TMEM87B: variants seen among roughly 807,000 people sequenced by gnomAD.
TMEM87B encodes the protein transmembrane protein 87B.
In TMEM87B, 83 loss-of-function variants were observed where a neutral mutation model predicts 80.3. The ratio of observed to expected loss-of-function variants is 1.03; its 90% CI spans 0.87 to 1.24. The LOEUF is 1.24. Among genes scored for constraint, TMEM87B ranks in the 50% most tolerant of loss-of-function variants. The pLI is 0.00. For missense variants in TMEM87B, 625 were observed against 674.4 expected (o/e 0.93, Z 0.81); for synonymous variants, 219 against 230.5 (o/e 0.95, Z 0.45).
In TMEM87B at chr2:112,118,316, A is replaced by G. The variant is rs946246566; in HGVS notation, c.*2173A>G. ...GGAGAAGTTATACCTAGGGCTACTG[A>G]GCAGCTCATCATCCCTGTTTCTGCA... On this transcript the variant is annotated 3_prime_UTR_variant, in exon 19 of 19. Coordinates refer to ENST00000283206, the MANE Select transcript of TMEM87B (RefSeq NM_032824.3). 1.3e-5 allele frequency: 2 copies of G among 152,304 alleles called. No homozygotes were observed. Among genetic ancestry groups the G allele is most frequent in the African/African-American group, 4.8e-5 (2 of 41,548 alleles). The allele number at this position is 152,304 out of a possible 1,614,324, so 9.4% of individuals were successfully genotyped here.
intron 18 of TMEM87B, among the ~76,000 whole-genome samples, chr2:112,113,134 G>C (rs1008462689): frequency 8.1e-5 from 12 of 148,698 alleles, no homozygotes; most frequent in African/African-American, 2.7e-4. Flanking sequence ...AATACTTACT[G>C]GTATGAAGGA....
At chr2:112,081,673 G>T (rs895579332) in intron 8 of TMEM87B, among the ~76,000 whole-genome samples, 155 bp downstream of exon 8, 1 of 152,110 alleles carries the variant, frequency 6.6e-6, no homozygotes, top group Non-Finnish European at 1.5e-5. Flanking sequence ...GTCAGAGTAG[G>T]CCTCTGATCT....
rs567199412 is a variant in TMEM87B at position 112,093,035 on chromosome 2, A to T, written c.1104+1252A>T. Among the ~76,000 whole-genome samples, 67 of 152,116 alleles carry T rather than the reference A, an allele frequency of 4.4e-4. 1 individual carries two copies. The highest frequency in any genetic ancestry group is 2.1e-3 in the South Asian group (10 of 4,818). The stretch of plus-strand genomic sequence containing the variant: ...TTAGCTTTTTGACATTAATTTTTTT[A>T]AAAAATTGTTTTTCTTGTATCTTTT... On this transcript the variant is annotated intron_variant, in intron 11 of 18. Coordinates refer to ENST00000283206, the MANE Select transcript of TMEM87B (RefSeq NM_032824.3).
intron 1 of TMEM87B, among the ~76,000 whole-genome samples, chr2:112,057,695 G>A (rs575157628): frequency 6.6e-6 from 1 of 152,180 alleles, no homozygotes; most frequent in Non-Finnish European, 1.5e-5. Context: ...CTTCTCCCAA[G>A]ACGTTCACAC....
At chr2:112,080,978 G>A (rs1345232435) in intron 6 of TMEM87B, 79 bp from the exon 7 acceptor site, 10 of 1,269,988 alleles carry the variant, frequency 7.9e-6, no homozygotes, top group Middle Eastern at 1.9e-4. Context: ...TTGTATTCTT[G>A]GAGCCTTCTG....
At position 112,096,895 on chromosome 2, in the gene TMEM87B, G is replaced by A. The variant is rs550071937; in HGVS notation, c.1105-149G>A. Reference sequence around the variant, plus strand: ...AAAGTATAATGATTGTACAATATTGGCCAAGATAACATTTTCTGTGTTTTC... The same window carrying A: ...AAAGTATAATGATTGTACAATATTGACCAAGATAACATTTTCTGTGTTTTC... On this transcript the variant is annotated intron_variant, in intron 11 of 18. Coordinates refer to ENST00000283206, the MANE Select transcript of TMEM87B (RefSeq NM_032824.3). 4 of 608,452 alleles carry A rather than the reference G, an allele frequency of 6.6e-6. No individual in the cohort carries two copies. The South Asian group carries it at 8.4e-5, about 13-fold the overall frequency. 37.7% of individuals were successfully genotyped at this position (608,452 alleles called of 1,614,324 possible).
intron 4 of TMEM87B, among the ~76,000 whole-genome samples, chr2:112,067,919 A>T (rs1678485590): frequency 6.6e-6 from 1 of 152,210 alleles, no homozygotes; most frequent in Non-Finnish European, 1.5e-5. Flanking sequence ...TTCTAAAATG[A>T]TTAACAGCAG....
intron 15 of TMEM87B, among the ~76,000 whole-genome samples, chr2:112,105,079 A>G (rs532362057): frequency 6.6e-6 from 1 of 152,194 alleles, no homozygotes; most frequent in African/African-American, 2.4e-5. Context: ...GCAGTTACTC[A>G]AGTGTATATA....
intron 17 of TMEM87B, among the ~76,000 whole-genome samples, chr2:112,108,057 C>T (rs1361475925): frequency 1.3e-5 from 2 of 152,150 alleles, no homozygotes; most frequent in African/African-American, 4.8e-5. Context: ...AACTAGTGGC[C>T]TCTAACCAAC....
chr2:112,090,471 T>C (rs548557593), intron 10 of TMEM87B, among the ~76,000 whole-genome samples: 3 of 151,986 alleles, frequency 2.0e-5, no homozygotes, highest in Non-Finnish European at 4.4e-5. Flanking sequence ...GGTGCAGTGG[T>C]GCAGTGGCGC....
chr2:112,076,842 T>TTGTGTGTGTGTGTG lies in TMEM87B; in HGVS notation c.502-316_502-303dup, dbSNP rs70962982. Among the ~76,000 whole-genome samples the TTGTGTGTGTGTGTG allele has an allele frequency of 3.5e-3, 490 of 139,246 alleles. 3 individuals carry two copies. The highest frequency in any genetic ancestry group is 6.2e-3 in the Non-Finnish European group (401 of 65,196). 91.4% of individuals were successfully genotyped at this position (139,246 alleles called of 152,430 possible). A position where few individuals can be genotyped will look rare whatever the true frequency, so the allele number is the denominator to read the frequency against. On this transcript the variant is annotated intron_variant, in intron 5 of 18. Coordinates refer to ENST00000283206, the MANE Select transcript of TMEM87B (RefSeq NM_032824.3). ...CACTACCTGCCATTCCTTTTCTGTT[T>TTGTGTGTGTGTGTG]TGTGTGTGTGTGTGTGTGTGTGTGT...
At position 112,118,672 on chromosome 2, in the gene TMEM87B, G is replaced by A. The variant is rs572903207; in HGVS notation, c.*2529G>A. ...GATAGAATGTTCCCATATTTTTCTT[G>A]TAAAGAAAATAATATTTTAACTTAC... On this transcript the variant is annotated 3_prime_UTR_variant, in exon 19 of 19. Coordinates refer to ENST00000283206, the MANE Select transcript of TMEM87B (RefSeq NM_032824.3). 7 of 152,072 alleles carry A rather than the reference G, an allele frequency of 4.6e-5. No individual in the cohort carries two copies. In the South Asian group the frequency reaches 1.2e-3, roughly 27 times the overall value. The allele number at this position is 152,072 out of a possible 1,614,324, so 9.4% of individuals were successfully genotyped here.
At chr2:112,069,245 A>G (rs921493481) in intron 4 of TMEM87B, among the ~76,000 whole-genome samples, 56 of 149,382 alleles carry the variant, frequency 3.7e-4, no homozygotes, top group African/African-American at 1.2e-3. Context: ...AATTTGTTGT[A>G]CGAATTATTT....
At chr2:112,078,662 C>T in intron 6 of TMEM87B, among the ~76,000 whole-genome samples, 1 of 152,196 alleles carries the variant, frequency 6.6e-6, no homozygotes, top group East Asian at 1.9e-4. Flanking sequence ...GTCTTTTCCC[C>T]TGACACCAGC....
intron 1 of TMEM87B, among the ~76,000 whole-genome samples, chr2:112,056,755 C>T (rs1678082565): frequency 6.6e-6 from 1 of 152,176 alleles, no homozygotes; most frequent in Non-Finnish European, 1.5e-5. Flanking sequence ...CGCTGGGTAT[C>T]TTTCTGGATC....
chr2:112,074,570 G>C (rs1338368245), intron 4 of TMEM87B, among the ~76,000 whole-genome samples: 2 of 152,214 alleles, frequency 1.3e-5, no homozygotes, highest in South Asian at 2.1e-4. Context: ...AGTATCTTGT[G>C]GGGGTTCTTT....
chr2:112,113,012 A>G (rs1679961906), intron 18 of TMEM87B, 83 bp downstream of exon 18: 5 of 1,252,872 alleles, frequency 4.0e-6, no homozygotes, highest in South Asian at 1.3e-5. Context: ...TCTGAAAGCT[A>G]CTTTTTAAGA....
chr2:112,116,098 A>G lies in TMEM87B; in HGVS notation c.1623A>G (p.Arg541=), dbSNP rs776467623. 6.2e-7 allele frequency: 1 copy of G among 1,612,892 alleles called. No individual in the cohort carries two copies. Among genetic ancestry groups the G allele is most frequent in the Non-Finnish European group, 8.5e-7 (1 of 1,179,732 alleles). ...TTTTTCTTCAGGAAATCATGACCAG[A>G]TCTGAAATGGCTGAAAAAATGTTCT... The part of the protein sequence containing the change: ...LVDSDEEIMT[R]SEMAEKMFSS... Residue 541 remains arginine (R), a synonymous_variant, in exon 19 of 19, where the codon AGA becomes AGG. Transcript: ENST00000283206.
intron 9 of TMEM87B, 41 bp downstream of exon 9, chr2:112,086,145 A>G (rs1679139700): frequency 2.7e-6 from 4 of 1,497,196 alleles, no homozygotes; most frequent in Admixed American, 3.4e-5. Flanking sequence ...GTCCCAGCCC[A>G]GTGATTCAGT....
Sources: gnomAD v4.1 joint callset for allele counts (sites outside exome capture counted in the v4.1 genomes callset) on GRCh38, gnomAD v4.1.1 for gene constraint, MANE v1.5 for transcripts, NCBI Gene and HGNC (gene_info 2026-07-23, HGNC 2026-07-21) for gene names.